The following PRICKLE1 variants were observed in gnomAD, a reference collection of about 807,000 sequenced individuals.
The protein encoded by PRICKLE1 is prickle planar cell polarity protein 1, also known as prickle-like protein 1.
PRICKLE1 carries 14 observed loss-of-function variants against 70.2 expected under a neutral mutation model. The observed-to-expected ratio is 0.20, with a 90% confidence interval of 0.13 to 0.31. PRICKLE1 has a LOEUF of 0.31. Ranked by LOEUF, PRICKLE1 falls within the 10% of genes least tolerant of loss-of-function variation. The pLI is 1.00. For missense variants in PRICKLE1, 821 were observed against 1,026.2 expected, an observed-to-expected ratio of 0.80 and a Z score of 2.73; for synonymous variants, 357 against 379.9, an observed-to-expected ratio of 0.94 and a Z score of 0.70.
intron 7 of PRICKLE1, among the ~76,000 whole-genome samples, chr12:42,462,881 C>T (rs1937913427): frequency 6.6e-6 from 1 of 152,168 alleles, no homozygotes; most frequent in South Asian, 2.1e-4. Flanking sequence ...CTAATCTTGC[C>T]TTTAGAACCT....
chr12:42,550,547 C>T (rs996017589), intron 1 of PRICKLE1, among the ~76,000 whole-genome samples: 3 of 152,246 alleles, frequency 2.0e-5, no homozygotes, highest in Non-Finnish European at 2.9e-5. Flanking sequence ...TCCCAAATGT[C>T]GTATTATAGG....
At chr12:42,510,158 C>G (rs1436397315) in intron 1 of PRICKLE1, among the ~76,000 whole-genome samples, 9 of 151,910 alleles carry the variant, frequency 5.9e-5, no homozygotes, top group Admixed American at 5.2e-4. Context: ...GCAGTGGCGC[C>G]ATCTCTGCTC....
intron 5 of PRICKLE1, among the ~76,000 whole-genome samples, chr12:42,466,941 A>G (rs1046842959): frequency 6.6e-6 from 1 of 152,060 alleles, no homozygotes; most frequent in African/African-American, 2.4e-5. Flanking sequence ...CAGTGGCACA[A>G]TCATAGCTCA....
chr12:42,527,357 T>G (rs1406318469), intron 1 of PRICKLE1, among the ~76,000 whole-genome samples: 1 of 152,116 alleles, frequency 6.6e-6, no homozygotes, highest in Non-Finnish European at 1.5e-5. Flanking sequence ...GGCCTTGAAC[T>G]CCTAACCTCA....
intron 7 of PRICKLE1, among the ~76,000 whole-genome samples, chr12:42,461,768 G>A (rs1414101929): frequency 6.6e-6 from 1 of 152,204 alleles, no homozygotes; most frequent in Non-Finnish European, 1.5e-5. Context: ...TAGACAAAGT[G>A]ATACTGTTGT....
intron 6 of PRICKLE1, 122 bp from the exon 7 acceptor site, chr12:42,465,380 G>C (rs1278339638): frequency 1.1e-6 from 1 of 874,458 alleles, no homozygotes; most frequent in Admixed American, 2.6e-5. Flanking sequence ...GGGTGACACA[G>C]ATATAATTAA....
At chr12:42,588,729 G>A (rs1941025100) in intron 1 of PRICKLE1, among the ~76,000 whole-genome samples, 1 of 152,076 alleles carries the variant, frequency 6.6e-6, no homozygotes, top group Non-Finnish European at 1.5e-5. Flanking sequence ...GACAATCTGT[G>A]AACAATTTTC....
intron 1 of PRICKLE1, among the ~76,000 whole-genome samples, chr12:42,583,568 T>C (rs147735756): frequency 1.3e-5 from 2 of 152,326 alleles, no homozygotes; most frequent in African/African-American, 2.4e-5. Flanking sequence ...TACTTTGGAT[T>C]TAGGCAGTCA....
In PRICKLE1 at chr12:42,495,362, C is replaced by T. The variant is rs1481355678; in HGVS notation, c.-48-22798G>A. On this transcript the variant is annotated intron_variant, in intron 1 of 7. Transcript: ENST00000345127. ...CCACCACATACTCTAGCCTAAGTGACAAAGCCAGACCTTGTCTCAAAAAAA... is the reference window on the plus strand; with the variant it reads ...CCACCACATACTCTAGCCTAAGTGATAAAGCCAGACCTTGTCTCAAAAAAA... 3.6e-5 allele frequency among the ~76,000 whole-genome samples: 4 copies of T among 110,742 alleles called. No homozygotes were observed. In the East Asian group the frequency reaches 1.2e-3, roughly 32 times the overall value. The allele number at this position is 110,742 out of a possible 152,430, so 72.7% of individuals were successfully genotyped here.
intron 1 of PRICKLE1, among the ~76,000 whole-genome samples, chr12:42,557,371 C>A (rs937978184): frequency 5.9e-5 from 9 of 152,154 alleles, no homozygotes; most frequent in Non-Finnish European, 1.0e-4. Flanking sequence ...AGCAAGCTAA[C>A]CCTATCTGGT....
chr12:42,561,578 T>C (rs1940513129), intron 1 of PRICKLE1, among the ~76,000 whole-genome samples: 1 of 152,236 alleles, frequency 6.6e-6, no homozygotes, highest in African/African-American at 2.4e-5. Context: ...AAAGATTAGA[T>C]TTTTTAAGGC....
chr12:42,586,304 C>T (rs1018587607), intron 1 of PRICKLE1, among the ~76,000 whole-genome samples: 1 of 152,040 alleles, frequency 6.6e-6, no homozygotes, highest in Non-Finnish European at 1.5e-5. Flanking sequence ...GCTATTTTTT[C>T]CAAGGGGGAA....
chr12:42,515,905 A>T (rs2120431999), intron 1 of PRICKLE1, among the ~76,000 whole-genome samples: 1 of 152,298 alleles, frequency 6.6e-6, no homozygotes, highest in Non-Finnish European at 1.5e-5. Context: ...TAAGCCTTTA[A>T]ATCCAGAAAT....
In PRICKLE1 at chr12:42,469,488, G is replaced by C. The variant is rs1938231134; in HGVS notation, c.346C>G (p.Leu116Val). Residue 116 changes from leucine (L) to valine (V), a missense_variant, in exon 4 of 8, where the codon CTT (leucine) becomes GTT (valine). Physicochemically the swap from Leu to Val is conservative, Grantham distance 32. Coordinates refer to ENST00000345127, the MANE Select transcript of PRICKLE1 (RefSeq NM_153026.3). ...KEALGRGTIK[L>V]LSRAVMHAVC... ...GCATGCATGACTGCTCTGGACAGAA[G>C]CTTAATTGTTCCTCTTCCCAGTGCT... is the stretch of plus-strand genomic sequence containing the variant. 1 of 1,614,034 alleles carries C rather than the reference G, an allele frequency of 6.2e-7. No individual in the cohort carries two copies. The highest frequency in any genetic ancestry group is 1.1e-5 in the South Asian group (1 of 91,086).
intron 1 of PRICKLE1, among the ~76,000 whole-genome samples, chr12:42,577,852 T>G (rs1940828480): frequency 6.6e-6 from 1 of 152,218 alleles, no homozygotes; most frequent in Non-Finnish European, 1.5e-5. Context: ...CTACAAGTGC[T>G]TGCTTACTTT....
At chr12:42,486,904 C>T (rs1939001132) in intron 1 of PRICKLE1, among the ~76,000 whole-genome samples, 1 of 152,206 alleles carries the variant, frequency 6.6e-6, no homozygotes, top group African/African-American at 2.4e-5. Flanking sequence ...TCACAAATGA[C>T]ATCTAACCTA....
chr12:42,530,911 C>G (rs1939902219), intron 1 of PRICKLE1, among the ~76,000 whole-genome samples: 1 of 151,196 alleles, frequency 6.6e-6, no homozygotes, highest in South Asian at 2.1e-4. Flanking sequence ...CATCAGGTGA[C>G]CTACCTGCTT....
rs572174279 is a variant in PRICKLE1, at chr12:42,505,170, C to A, written c.-48-32606G>T. 8.6e-4 allele frequency among the ~76,000 whole-genome samples: 131 copies of A among 151,970 alleles called. 1 individual carries two copies. The highest frequency in any genetic ancestry group is 2.5e-3 in the African/African-American group (104 of 41,496). On this transcript the variant is annotated intron_variant, in intron 1 of 7. Coordinates refer to ENST00000345127, the MANE Select transcript of PRICKLE1 (RefSeq NM_153026.3). The stretch of plus-strand genomic sequence containing the variant: ...CAAAAAACAAAAAACAACAAAAACA[C>A]GGCTACTTCACAGTTCTGGGGTTAG...
At chr12:42,575,739 A>G (rs989764378) in intron 1 of PRICKLE1, among the ~76,000 whole-genome samples, 6 of 152,156 alleles carry the variant, frequency 3.9e-5, no homozygotes, top group Non-Finnish European at 5.9e-5. Flanking sequence ...TTCACTAAGC[A>G]TAACGCTTGT....
Sources: allele counts gnomAD v4.1 joint callset (sites outside exome capture counted in the v4.1 genomes callset), GRCh38; gene constraint gnomAD v4.1.1; transcripts MANE v1.5; gene names NCBI Gene and HGNC (gene_info 2026-07-23, HGNC 2026-07-21).